HCAR1: variants seen among roughly 807,000 people sequenced by gnomAD.
HCAR1 encodes the protein G protein-coupled receptor 104.
For synonymous variants in HCAR1, 183 were observed against 182.1 expected (o/e 1.01, Z -0.04); for missense variants, 445 against 448.7 (o/e 0.99, Z 0.07).
chr12:122,729,747 T>C lies in HCAR1; in HGVS notation c.593A>G (p.Lys198Arg). ...PLGIILFCSF[K>R]IVWSLRRRQQ... ...CCTCCGCCTCAGGCTCCAAACAATC[T>C]TGAAGGAGCAAAATAAGATGATGCC... is the stretch of plus-strand genomic sequence containing the variant. Residue 198 changes from lysine (K) to arginine (R), a missense_variant, in exon 1 of 1, where the codon AAG becomes AGG. Transcript: ENST00000432564. 2 of 1,613,090 alleles carry C rather than the reference T, an allele frequency of 1.2e-6. No individual in the cohort carries two copies. Among genetic ancestry groups the C allele is most frequent in the East Asian group, 2.2e-5 (1 of 44,876 alleles).
Position 122,729,647 on chromosome 12 carries a change from T to G in HCAR1, c.693A>C (p.Thr231=). 1.2e-6 allele frequency: 2 copies of G among 1,614,124 alleles called. No homozygotes were observed. The highest frequency in any genetic ancestry group is 1.7e-6 in the Non-Finnish European group (2 of 1,180,020). The part of the protein sequence containing the change: ...FIMVVAIVFI[T]CYLPSVSARL... ...TAGCAGACACGCTGGGCAGGTAGCA[T>G]GTGATGAACACAATTGCCACCACCA... is the stretch of plus-strand genomic sequence containing the variant. The change falls in exon 1 of 1, where the codon ACA becomes ACC. Residue 231 remains threonine (T), a synonymous_variant. Coordinates refer to ENST00000432564, the MANE Select transcript of HCAR1 (RefSeq NM_032554.4).
Position 122,727,306 on chromosome 12 carries a change from T to G in HCAR1, c.*1993A>C, listed in dbSNP as rs1313243946. The G allele has an allele frequency of 6.6e-6, 1 of 152,050 alleles. No individual in the cohort carries two copies. The highest frequency in any genetic ancestry group is 1.5e-5 in the Non-Finnish European group (1 of 68,046). The allele number at this position is 152,050 out of a possible 1,614,324, so 9.4% of individuals were successfully genotyped here. A position where few individuals can be genotyped will look rare whatever the true frequency, so the allele number is the denominator to read the frequency against. ...TCTAAAAACACAAGCTGCCCTAAGA[T>G]CACAGGCCTAGTAAATGCTTGAGCT... On this transcript the variant is annotated 3_prime_UTR_variant, in exon 1 of 1. Coordinates refer to ENST00000432564, the MANE Select transcript of HCAR1 (RefSeq NM_032554.4).
rs369360951 is a variant in HCAR1, at chr12:122,729,423, T to C, written c.917A>G (p.Lys306Arg). 4 of 1,614,034 alleles carry C rather than the reference T, an allele frequency of 2.5e-6. No homozygotes were observed. The African/African-American group carries it at 5.3e-5, about 22-fold the overall frequency. Reference sequence around the variant, plus strand: ...TGGCATCTCTTCCGGCCTTTGTGTTTTTGAGTGTCCTGGCTGCTTGGGTTT... The same window carrying C: ...TGGCATCTCTTCCGGCCTTTGTGTTCTTGAGTGTCCTGGCTGCTTGGGTTT... The part of the protein sequence containing the change: ...SLKPKQPGHS[K>R]TQRPEEMPIS... The change falls in exon 1 of 1, where the codon AAA (lysine) becomes AGA (arginine). Residue 306 changes from lysine (K) to arginine (R), a missense_variant. Physicochemically the swap from Lys to Arg is conservative, Grantham distance 26. Transcript: ENST00000432564.
chr12:122,729,137 G>C lies in HCAR1; in HGVS notation c.*162C>G, dbSNP rs1877864444. On this transcript the variant is annotated 3_prime_UTR_variant, in exon 1 of 1. Transcript: ENST00000432564. ...TGGAACCTCCCCAAAAGGTATAGTT[G>C]TGTGAATTTCATTTCCGACAGAATG... 3.0e-6 allele frequency: 2 copies of C among 663,084 alleles called. No individual in the cohort carries two copies. The highest frequency in any genetic ancestry group is 5.1e-6 in the Non-Finnish European group (2 of 389,674). The allele number at this position is 663,084 out of a possible 1,614,324, so 41.1% of individuals were successfully genotyped here.
Position 122,730,164 on chromosome 12 carries a change from A to G in HCAR1, c.176T>C (p.Val59Ala), listed in dbSNP as rs1455052208. The G allele has an allele frequency of 6.2e-7, 1 of 1,614,228 alleles. No individual in the cohort carries two copies. Among genetic ancestry groups the G allele is most frequent in the African/African-American group, 1.3e-5 (1 of 75,066 alleles). Reference protein sequence around the residue: ...PSTVYLFNLAVADFLLMICLP... With the variant: ...PSTVYLFNLAAADFLLMICLP... ...GCAGATCATAAGGAGGAAATCAGCC[A>G]CGGCCAAATTGAAAAGGTAAACAGT... The change falls in exon 1 of 1, where the codon GTG (valine) becomes GCG (alanine). Residue 59 changes from valine (V) to alanine (A), a missense_variant. Coordinates refer to ENST00000432564, the MANE Select transcript of HCAR1 (RefSeq NM_032554.4).
rs759356497 is a variant in HCAR1 at position 122,729,874 on chromosome 12, G to T, written c.466C>A (p.Leu156Ile). The change falls in exon 1 of 1, where the codon CTC (leucine) becomes ATC (isoleucine). Residue 156 changes from leucine (L) to isoleucine (I), a missense_variant. Transcript: ENST00000432564. The part of the protein sequence containing the change: ...GTVYLLLENH[L>I]CVQETAVSCE... ...GAGACGGCCGTCTCTTGCACGCAGAGATGGTTCTCCAGCAAAAGATACACT... is the reference window on the plus strand; with the variant it reads ...GAGACGGCCGTCTCTTGCACGCAGATATGGTTCTCCAGCAAAAGATACACT... 3.8e-5 allele frequency: 61 copies of T among 1,611,358 alleles called. No homozygotes were observed. The highest frequency in any genetic ancestry group is 5.0e-5 in the Non-Finnish European group (59 of 1,178,306).
At position 122,728,319 on chromosome 12, in the gene HCAR1, C is replaced by T. The variant is rs995944298; in HGVS notation, c.*980G>A. 2 of 152,228 alleles carry T rather than the reference C, an allele frequency of 1.3e-5. No homozygotes were observed. The highest frequency in any genetic ancestry group is 4.8e-5 in the African/African-American group (2 of 41,462). 9.4% of individuals were successfully genotyped at this position (152,228 alleles called of 1,614,324 possible). On this transcript the variant is annotated 3_prime_UTR_variant, in exon 1 of 1. Transcript: ENST00000432564. Reference sequence around the variant, plus strand: ...GGCAAGGAAACAGATCCCTCAGCACCTTCTTTGAAATACAAAGATTTGAAG... The same window carrying T: ...GGCAAGGAAACAGATCCCTCAGCACTTTCTTTGAAATACAAAGATTTGAAG...
chr12:122,730,343 G>A lies in HCAR1; in HGVS notation c.-4C>T, dbSNP rs549403281. On this transcript the variant is annotated 5_prime_UTR_variant, in exon 1 of 1. Transcript: ENST00000432564. ...GGCAGCACGACCCGTTGTACATGGC[G>A]GGGACAGAGCAAGTGTCCGGGTGCA... 5.8e-6 allele frequency: 9 copies of A among 1,558,490 alleles called. No individual in the cohort carries two copies. In the Admixed American group the frequency reaches 1.5e-4, roughly 26 times the overall value.
At position 122,729,386 on chromosome 12, in the gene HCAR1, G is replaced by A. The variant is rs771767950; in HGVS notation, c.954C>T (p.Leu318=). Residue 318 remains leucine, a synonymous_variant, in exon 1 of 1, where the codon CTC becomes CTT. Transcript: ENST00000432564. ...CCACACTGATGCAACTCCTGCGACC[G>A]AGGTTCGAAATTGGCATCTCTTCCG... ...QRPEEMPISN[L]GRRSCISVAN... is the part of the protein sequence containing the mutation. 7 of 1,614,118 alleles carry A rather than the reference G, an allele frequency of 4.3e-6. 1 individual carries two copies. The highest frequency in any genetic ancestry group is 3.3e-5 in the South Asian group (3 of 91,078).
Position 122,729,595 on chromosome 12 carries a change from A to G in HCAR1, c.745T>C (p.Ser249Pro), listed in dbSNP as rs756991659. 8.1e-6 allele frequency: 13 copies of G among 1,613,958 alleles called. No homozygotes were observed. Among genetic ancestry groups the G allele is most frequent in the Non-Finnish European group, 2.5e-6 (3 of 1,180,024 alleles). ...ARLYFLWTVPSSACDPSVHGA... is the reference protein window; with the variant it reads ...ARLYFLWTVPPSACDPSVHGA... ...TGGACAGAGGGATCGCAGGCACTCGAGGGCACCGTCCAGAGGAAATAGAGT... is the reference window on the plus strand; with the variant it reads ...TGGACAGAGGGATCGCAGGCACTCGGGGGCACCGTCCAGAGGAAATAGAGT... The change falls in exon 1 of 1, where the codon TCG (serine) becomes CCG (proline). Residue 249 changes from serine to proline, a missense_variant. By Grantham distance (74) the Ser-to-Pro change is moderately conservative. Transcript: ENST00000432564.
Position 122,727,329 on chromosome 12 carries a change from G to A in HCAR1, c.*1970C>T, listed in dbSNP as rs1344781048. 6.6e-6 allele frequency: 1 copy of A among 152,144 alleles called. No individual in the cohort carries two copies. Among genetic ancestry groups the A allele is most frequent in the Non-Finnish European group, 1.5e-5 (1 of 68,048 alleles). The allele number at this position is 152,144 out of a possible 1,614,324, so 9.4% of individuals were successfully genotyped here. A position where few individuals can be genotyped will look rare whatever the true frequency, so the allele number is the denominator to read the frequency against. On this transcript the variant is annotated 3_prime_UTR_variant, in exon 1 of 1. Transcript: ENST00000432564. ...GATCACAGGCCTAGTAAATGCTTGA[G>A]CTGAGATTCAAACTTCGATGCTTCT... is the stretch of plus-strand genomic sequence containing the variant.
rs367981732 is a variant in HCAR1 at position 122,729,756 on chromosome 12, C to A, written c.584G>T (p.Cys195Phe). 2 of 1,612,650 alleles carry A rather than the reference C, an allele frequency of 1.2e-6. No individual in the cohort carries two copies. The highest frequency in any genetic ancestry group is 2.7e-5 in the African/African-American group (2 of 75,024). ...CAGGCTCCAAACAATCTTGAAGGAG[C>A]AAAATAAGATGATGCCGAGGGGCAT... ...FFMPLGIILF[C>F]SFKIVWSLRR... Residue 195 changes from cysteine (C) to phenylalanine (F), a missense_variant, in exon 1 of 1, where the codon TGC becomes TTC. Cys to Phe is a radical substitution (Grantham distance 205). Transcript: ENST00000432564.
Position 122,730,020 on chromosome 12 carries a change from G to A in HCAR1, c.320C>T (p.Thr107Met), listed in dbSNP as rs201584459. Residue 107 changes from threonine to methionine, a missense_variant, in exon 1 of 1, where the codon ACG becomes ATG. Transcript: ENST00000432564. Reference protein sequence around the residue: ...MNRAGSIVFLTVVAADRYFKV... With the variant: ...MNRAGSIVFLMVVAADRYFKV... ...GAAATACCTGTCCGCAGCCACCACC[G>A]TAAGGAACACGATGCTCCCGGCCCT... The A allele has an allele frequency of 1.0e-4, 162 of 1,613,932 alleles. No individual in the cohort carries two copies. The highest frequency in any genetic ancestry group is 1.3e-4 in the Non-Finnish European group (148 of 1,179,964).
In HCAR1 at chr12:122,726,239, C is replaced by G. The variant is rs561889785; in HGVS notation, c.*3060G>C. The G allele has an allele frequency of 3.9e-5, 6 of 152,252 alleles. No homozygotes were observed. In the East Asian group the frequency reaches 1.2e-3, roughly 29 times the overall value. The allele number at this position is 152,252 out of a possible 1,614,324, so 9.4% of individuals were successfully genotyped here. A position where few individuals can be genotyped will look rare whatever the true frequency, so the allele number is the denominator to read the frequency against. ...TAAGAATTCTTGCCTTTACTCTTCC[C>G]CAGGTAACTGAGGGGCGGGGGAATT... On this transcript the variant is annotated 3_prime_UTR_variant, in exon 1 of 1. Transcript: ENST00000432564.
In HCAR1 at chr12:122,730,637, A is replaced by G. The variant is rs2135498722; in HGVS notation, c.-298T>C. On this transcript the variant is annotated 5_prime_UTR_variant, in exon 1 of 1. Transcript: ENST00000432564. ...GCTTGGAAATGCATGCAATTTTGCA[A>G]AAGTGGTCATTTCTGAGAGGCGGTA... 2.9e-6 allele frequency: 1 copy of G among 340,424 alleles called. No individual in the cohort carries two copies. The highest frequency in any genetic ancestry group is 5.2e-5 in the East Asian group (1 of 19,330). 21.1% of individuals were successfully genotyped at this position (340,424 alleles called of 1,614,324 possible). A position where few individuals can be genotyped will look rare whatever the true frequency, so the allele number is the denominator to read the frequency against.
In HCAR1 at chr12:122,728,090, C is replaced by A. The variant is rs371544819; in HGVS notation, c.*1209G>T. On this transcript the variant is annotated 3_prime_UTR_variant, in exon 1 of 1. Coordinates refer to ENST00000432564, the MANE Select transcript of HCAR1 (RefSeq NM_032554.4). Reference sequence around the variant, plus strand: ...CTCTTAACTTCTCTGTCCCCACCCCCCCAAAAAACTTTACTGTCACATAAG... The same window carrying A: ...CTCTTAACTTCTCTGTCCCCACCCCACCAAAAAACTTTACTGTCACATAAG... The A allele has an allele frequency of 6.6e-6, 1 of 152,054 alleles. No homozygotes were observed. Among genetic ancestry groups the A allele is most frequent in the Non-Finnish European group, 1.5e-5 (1 of 68,028 alleles). The allele number at this position is 152,054 out of a possible 1,614,324, so 9.4% of individuals were successfully genotyped here. A position where few individuals can be genotyped will look rare whatever the true frequency, so the allele number is the denominator to read the frequency against.
In HCAR1 at chr12:122,729,243, C is replaced by T; in HGVS notation, c.*56G>A. On this transcript the variant is annotated 3_prime_UTR_variant, in exon 1 of 1. Transcript: ENST00000432564. ...ATTTTCAAAGCCCCCGACCCCTTAG[C>T]ACGAGTTAATTCTAAGTCACCACTC... 1 of 1,543,436 alleles carries T rather than the reference C, an allele frequency of 6.5e-7. No individual in the cohort carries two copies. Among genetic ancestry groups the T allele is most frequent in the Middle Eastern group, 1.7e-4 (1 of 5,742 alleles).
At position 122,728,985 on chromosome 12, in the gene HCAR1, GA is replaced by G; in HGVS notation, c.*313del. 1 of 324,928 alleles carries G rather than the reference GA, an allele frequency of 3.1e-6. No individual in the cohort carries two copies. Among genetic ancestry groups the G allele is most frequent in the South Asian group, 3.8e-5 (1 of 26,448 alleles). 20.1% of individuals were successfully genotyped at this position (324,928 alleles called of 1,614,324 possible). A position where few individuals can be genotyped will look rare whatever the true frequency, so the allele number is the denominator to read the frequency against. ...CTGTCTCAAAACAAAAACAAACAAC[GA>G]AAATTACACAAGGGCTGTGCAGTTC... On this transcript the variant is annotated 3_prime_UTR_variant, in exon 1 of 1. Coordinates refer to ENST00000432564, the MANE Select transcript of HCAR1 (RefSeq NM_032554.4).
chr12:122,729,698 C>T lies in HCAR1; in HGVS notation c.642G>A (p.Arg214=), dbSNP rs1877886658. Residue 214 remains arginine (R), a synonymous_variant, in exon 1 of 1, where the codon CGG becomes CGA. Transcript: ENST00000432564. ...RRRQQLARQA[R]MKKATRFIMV... ...TGATGAACCGGGTCGCCTTCTTCAT[C>T]CGAGCCTGTCTGGCCAGCTGCTGCC... 2.5e-5 allele frequency: 40 copies of T among 1,613,912 alleles called. No individual in the cohort carries two copies. Among genetic ancestry groups the T allele is most frequent in the Non-Finnish European group, 3.4e-5 (40 of 1,180,030 alleles).
Sources: gnomAD v4.1 joint callset for allele counts on GRCh38, gnomAD v4.1.1 for gene constraint, MANE v1.5 for transcripts, NCBI Gene and HGNC (gene_info 2026-07-23, HGNC 2026-07-21) for gene names.